KCNQ5: variants seen among roughly 807,000 people sequenced by gnomAD.
KCNQ5 encodes potassium voltage-gated channel subfamily KQT member 5.
KCNQ5 carries 30 observed loss-of-function variants against 98.2 expected under a neutral mutation model. The observed-to-expected ratio is 0.31, with a 90% CI of 0.23 to 0.41. The LOEUF (loss-of-function observed/expected upper bound fraction) is 0.41. KCNQ5 is among the 10% of genes least tolerant of loss of function. KCNQ5 has a pLI of 1.00. For missense variants in KCNQ5, 835 were observed against 1,182.5 expected (o/e 0.71, Z 4.31); for synonymous variants, 458 against 449.4 (o/e 1.02, Z -0.24).
chr6:72,887,608 A>C (rs1778895244), intron 1 of KCNQ5, among the ~76,000 whole-genome samples: 1 of 152,246 alleles, frequency 6.6e-6, no homozygotes, highest in Non-Finnish European at 1.5e-5. Flanking sequence ...AAAGCAAGAC[A>C]ACAGCATATC....
At chr6:72,831,863 G>C (rs1466178318) in intron 1 of KCNQ5, among the ~76,000 whole-genome samples, 2 of 152,030 alleles carry the variant, frequency 1.3e-5, no homozygotes, top group Non-Finnish European at 2.9e-5. Context: ...TGAGGTGTGT[G>C]GGCCTGATTT....
intron 1 of KCNQ5, among the ~76,000 whole-genome samples, chr6:72,691,085 ACT>A (rs1434603306): frequency 2.6e-5 from 4 of 152,272 alleles, no homozygotes; most frequent in African/African-American, 9.6e-5. Flanking sequence ...GGAAACTTGA[ACT>A]CAAAAATCAG....
At chr6:73,078,152 CA>C (rs1773610509) in intron 5 of KCNQ5, among the ~76,000 whole-genome samples, 1 of 150,934 alleles carries the variant, frequency 6.6e-6, no homozygotes. Context: ...AAATATATAT[CA>C]TTTTTAAAAT....
rs1466170031 is a variant in KCNQ5 at position 72,940,661 on chromosome 6, G to A, written c.399-63247G>A. Among the ~76,000 whole-genome samples the A allele has an allele frequency of 4.6e-5, 7 of 152,172 alleles. No homozygotes were observed. The East Asian group carries it at 9.6e-4, about 21-fold the overall frequency. On this transcript the variant is annotated intron_variant, in intron 1 of 13. Coordinates refer to ENST00000370398, the MANE Select transcript of KCNQ5 (RefSeq NM_019842.4). ...AAAGACCGCTAAGACAAATCACTTCGATTGCTTAATAATCTGCTTGCTCTA... is the reference window on the plus strand; with the variant it reads ...AAAGACCGCTAAGACAAATCACTTCAATTGCTTAATAATCTGCTTGCTCTA...
intron 1 of KCNQ5, among the ~76,000 whole-genome samples, chr6:72,659,669 C>T (rs1220823344): frequency 1.3e-5 from 2 of 152,138 alleles, no homozygotes; most frequent in Non-Finnish European, 2.9e-5. Flanking sequence ...CTCCTTTCAA[C>T]CTCTTTCATA....
intron 1 of KCNQ5, among the ~76,000 whole-genome samples, chr6:72,790,936 A>C (rs1194663307): frequency 6.6e-6 from 1 of 152,158 alleles, no homozygotes; most frequent in African/African-American, 2.4e-5. Flanking sequence ...GTTTGTTTTT[A>C]GTATGTGCCA....
Position 73,169,782 on chromosome 6 carries a change from A to G in KCNQ5, c.1505A>G (p.Glu502Gly), listed in dbSNP as rs2150503584. Residue 502 changes from glutamate to glycine, a missense_variant, in exon 11 of 14, where the codon GAA becomes GGA. By Grantham distance (98) the Glu-to-Gly change is moderately conservative. Transcript: ENST00000370398. The part of the protein sequence containing the change: ...TALGTDDVYD[E>G]KGCQCDVSVE... Reference sequence around the variant, plus strand: ...CTTGGCACTGATGATGTATATGATGAAAAAGGATGCCAGTGTGATGTATCA... The same window carrying G: ...CTTGGCACTGATGATGTATATGATGGAAAAGGATGCCAGTGTGATGTATCA... 1 of 1,613,100 alleles carries G rather than the reference A, an allele frequency of 6.2e-7. No individual in the cohort carries two copies. The highest frequency in any genetic ancestry group is 8.5e-7 in the Non-Finnish European group (1 of 1,179,048).
chr6:72,987,141 G>T (rs1294523310), intron 1 of KCNQ5: 1 of 661,268 alleles, frequency 1.5e-6, no homozygotes, highest in Non-Finnish European at 2.8e-6. Flanking sequence ...TGGCCCTAAG[G>T]CCCCCGAGAA....
intron 1 of KCNQ5, among the ~76,000 whole-genome samples, chr6:72,978,559 GA>G (rs1262722745): frequency 6.6e-6 from 1 of 152,210 alleles, no homozygotes. Flanking sequence ...CAATTAAGAA[GA>G]ATCTGGACTT....
intron 1 of KCNQ5, among the ~76,000 whole-genome samples, chr6:72,677,672 A>C (rs1767479373): frequency 6.6e-6 from 1 of 152,188 alleles, no homozygotes; most frequent in Non-Finnish European, 1.5e-5. Context: ...TGTATCTGTG[A>C]CACCTAACAC....
At chr6:72,951,815 A>G (rs1388433459) in intron 1 of KCNQ5, among the ~76,000 whole-genome samples, 1 of 152,198 alleles carries the variant, frequency 6.6e-6, no homozygotes, top group Non-Finnish European at 1.5e-5. Flanking sequence ...TTTAACTCTT[A>G]GTACATGGCA....
chr6:72,871,565 C>T (rs763942537), intron 1 of KCNQ5, among the ~76,000 whole-genome samples: 2 of 152,102 alleles, frequency 1.3e-5, no homozygotes, highest in East Asian at 1.9e-4. Context: ...TATAATAACT[C>T]GCTTGTAGTT....
chr6:73,096,632 G>C (rs1395773155), intron 5 of KCNQ5, among the ~76,000 whole-genome samples: 5 of 152,162 alleles, frequency 3.3e-5, no homozygotes, highest in Admixed American at 3.3e-4. Flanking sequence ...ATTGTAAATT[G>C]AGAAATTATA....
chr6:73,132,676 C>T (rs939243338), intron 9 of KCNQ5, among the ~76,000 whole-genome samples: 1 of 152,198 alleles, frequency 6.6e-6, no homozygotes, highest in Non-Finnish European at 1.5e-5. Flanking sequence ...AATGCCTGAA[C>T]AAATATAATT....
chr6:72,955,700 A>T (rs1467494710), intron 1 of KCNQ5, among the ~76,000 whole-genome samples: 1 of 152,172 alleles, frequency 6.6e-6, no homozygotes, highest in Non-Finnish European at 1.5e-5. Flanking sequence ...TGCATTTTGT[A>T]CTTTGAAAAC....
rs1386582834 is a variant in KCNQ5, at chr6:73,195,297, G to T, written c.2682G>T (p.Arg894Ser). 1 of 1,614,200 alleles carries T rather than the reference G, an allele frequency of 6.2e-7. No individual in the cohort carries two copies. The highest frequency in any genetic ancestry group is 8.5e-7 in the Non-Finnish European group (1 of 1,180,042). Residue 894 changes from arginine to serine, a missense_variant, in exon 14 of 14, where the codon AGG (arginine) becomes AGT (serine). Around this residue, in one of 10 missense-constraint regions of KCNQ5, gnomAD observed 416 missense variants for 446.9 expected, o/e 0.93. Transcript: ENST00000370398. Reference sequence around the variant, plus strand: ...TTGATGCCGCACCGCAGCCTGCCAGGGAAGCTGCCTTTGCATCAGACTCTC... The same window carrying T: ...TTGATGCCGCACCGCAGCCTGCCAGTGAAGCTGCCTTTGCATCAGACTCTC... ...DTFDAAPQPAREAAFASDSLR... is the reference protein window; with the variant it reads ...DTFDAAPQPASEAAFASDSLR...
At chr6:73,110,657 C>T (rs189333162) in intron 6 of KCNQ5, among the ~76,000 whole-genome samples, 159 of 152,248 alleles carry the variant, frequency 1.0e-3, no homozygotes, top group Admixed American at 3.7e-3. Context: ...AAATAGAAAA[C>T]CTTCTACTCT....
intron 6 of KCNQ5, among the ~76,000 whole-genome samples, chr6:73,108,512 A>G (rs190137246): frequency 3.3e-5 from 5 of 152,316 alleles, no homozygotes; most frequent in African/African-American, 1.2e-4. Context: ...ATATAATAAC[A>G]TGTTAAAAAC....
intron 1 of KCNQ5, among the ~76,000 whole-genome samples, chr6:72,850,756 T>C (rs774019302): frequency 1.3e-5 from 2 of 152,186 alleles, no homozygotes; most frequent in Admixed American, 6.6e-5. Context: ...TATTTTGAGA[T>C]AGCTGGTGTG....
Sources: allele counts gnomAD v4.1 joint callset (sites outside exome capture counted in the v4.1 genomes callset), GRCh38; gene constraint gnomAD v4.1.1; regional missense constraint gnomAD v4.1.1; transcripts MANE v1.5; gene names NCBI Gene and HGNC (gene_info 2026-07-23, HGNC 2026-07-21).